The following CNTNAP2 variants were observed in gnomAD, a reference collection of about 807,000 sequenced individuals.
CNTNAP2 encodes contactin-associated protein-like 2.
Under a neutral mutation model 155.2 loss-of-function variants are expected in CNTNAP2, and 98 were observed. The ratio of observed to expected loss-of-function variants is 0.63; its 90% CI spans 0.54 to 0.75. The LOEUF (loss-of-function observed/expected upper bound fraction) is 0.75. Among genes scored for constraint, CNTNAP2 ranks in the 30% least tolerant of loss-of-function variants. CNTNAP2 has a pLI of 0.00. For missense variants in CNTNAP2, 1,727 were observed against 1,688.1 expected, an observed-to-expected ratio of 1.02 and a Z score of -0.40; for synonymous variants, 651 against 631.2, an observed-to-expected ratio of 1.03 and a Z score of -0.47.
chr7:147,162,193 TG>T (rs1371288000), intron 8 of CNTNAP2: 3 of 152,222 alleles, frequency 2.0e-5, no homozygotes, highest in Non-Finnish European at 1.5e-5. Context: ...CATTTATAGA[TG>T]GTCTACTAAA....
chr7:148,255,831 T>C (rs764750253), intron 20 of CNTNAP2, among the ~76,000 whole-genome samples: 1 of 152,182 alleles, frequency 6.6e-6, no homozygotes, highest in Non-Finnish European at 1.5e-5. Flanking sequence ...AAATCCTTTC[T>C]CTCTCGAGCC....
At chr7:147,509,569 G>C (rs1390800430) in intron 11 of CNTNAP2, among the ~76,000 whole-genome samples, 1 of 152,056 alleles carries the variant, frequency 6.6e-6, no homozygotes, top group Admixed American at 6.6e-5. Flanking sequence ...GAGAGAACCT[G>C]ATATTAGTCA....
chr7:147,209,479 A>G (rs1435861582), intron 8 of CNTNAP2, among the ~76,000 whole-genome samples: 4 of 152,040 alleles, frequency 2.6e-5, no homozygotes, highest in Admixed American at 1.3e-4. Flanking sequence ...TATCTGTTCT[A>G]GGAGACTTTA....
intron 1 of CNTNAP2, among the ~76,000 whole-genome samples, chr7:146,508,872 A>G (rs986803279): frequency 1.3e-5 from 2 of 152,200 alleles, no homozygotes; most frequent in Admixed American, 6.5e-5. Flanking sequence ...ACCAATCCAC[A>G]TATGTGTATG....
chr7:147,367,870 G>A (rs369312721), intron 9 of CNTNAP2, among the ~76,000 whole-genome samples: 13 of 151,146 alleles, frequency 8.6e-5, no homozygotes, highest in African/African-American at 3.2e-4. Flanking sequence ...ATTGGTGTTA[G>A]ACACTTTACT....
chr7:146,123,875 C>CA (rs1464113591), intron 1 of CNTNAP2, among the ~76,000 whole-genome samples: 1 of 151,928 alleles, frequency 6.6e-6, no homozygotes, highest in Non-Finnish European at 1.5e-5. Context: ...ATAGACTGGA[C>CA]AAAGAAAATG....
intron 13 of CNTNAP2, among the ~76,000 whole-genome samples, chr7:147,658,312 C>T (rs904969241): frequency 3.8e-4 from 58 of 151,726 alleles, no homozygotes; most frequent in African/African-American, 1.3e-3. Flanking sequence ...TTCCACAAAC[C>T]TAAGTCAGAT....
At chr7:146,630,137 C>T (rs1264521742) in intron 1 of CNTNAP2, among the ~76,000 whole-genome samples, 2 of 151,924 alleles carry the variant, frequency 1.3e-5, no homozygotes, top group Non-Finnish European at 1.5e-5. Flanking sequence ...TCCCCTAGCC[C>T]CTCATTCCTA....
At chr7:147,305,599 A>C (rs1330519875) in intron 9 of CNTNAP2, among the ~76,000 whole-genome samples, 1 of 152,136 alleles carries the variant, frequency 6.6e-6, no homozygotes, top group African/African-American at 2.4e-5. Flanking sequence ...GCTCTTTTTC[A>C]TTGTTCTCCC....
chr7:146,198,912 A>G (rs73452093), intron 1 of CNTNAP2, among the ~76,000 whole-genome samples: 2,264 of 152,222 alleles, frequency 0.015, 57 homozygotes, highest in African/African-American at 0.05. Flanking sequence ...AGAACCATCT[A>G]TTCTTTCAAG....
intron 14 of CNTNAP2, among the ~76,000 whole-genome samples, chr7:147,943,567 A>G (rs1243687507): frequency 1.3e-5 from 2 of 151,880 alleles, no homozygotes; most frequent in African/African-American, 4.8e-5. Flanking sequence ...CCAGGAGTTC[A>G]AGACCAGCCT....
At chr7:147,994,066 G>A (rs922387300) in intron 15 of CNTNAP2, among the ~76,000 whole-genome samples, 15 of 152,008 alleles carry the variant, frequency 9.9e-5, no homozygotes, top group African/African-American at 2.2e-4. Flanking sequence ...ACACATGCAG[G>A]TATGCTTAGA....
rs559798021 is a variant in CNTNAP2 at position 147,605,901 on chromosome 7, C to G, written c.1898-33205C>G. Reference sequence around the variant, plus strand: ...TGTCCCTCTTCCCTTCTCTCTCTCTCTCTTTCTCTCTCTCTGTGTGTGTGT... The same window carrying G: ...TGTCCCTCTTCCCTTCTCTCTCTCTGTCTTTCTCTCTCTCTGTGTGTGTGT... On this transcript the variant is annotated intron_variant, in intron 12 of 23. Transcript: ENST00000361727. Among the ~76,000 whole-genome samples the G allele has an allele frequency of 1.1e-4, 16 of 151,776 alleles. No homozygotes were observed. In the South Asian group the frequency reaches 3.1e-3, roughly 30 times the overall value.
intron 4 of CNTNAP2, among the ~76,000 whole-genome samples, chr7:147,061,019 A>T (rs918269468): frequency 6.6e-6 from 1 of 152,212 alleles, no homozygotes; most frequent in African/African-American, 2.4e-5. Context: ...ATATTACTAT[A>T]ATCGCTGAAA....
chr7:146,421,986 A>C lies in CNTNAP2; in HGVS notation c.97+305013A>C, dbSNP rs550870333. Among the ~76,000 whole-genome samples, 96 of 152,012 alleles carry C rather than the reference A, an allele frequency of 6.3e-4. No individual in the cohort carries two copies. The South Asian group carries it at 0.012, about 18-fold the overall frequency. ...AAGATCTTTTTATATTAGCACACAG[A>C]AGTCTACTGCATTCTATTCAACAAA... On this transcript the variant is annotated intron_variant, in intron 1 of 23. Coordinates refer to ENST00000361727, the MANE Select transcript of CNTNAP2 (RefSeq NM_014141.6).
At chr7:146,850,073 AT>A (rs1794845722) in intron 3 of CNTNAP2, among the ~76,000 whole-genome samples, 1 of 152,150 alleles carries the variant, frequency 6.6e-6, no homozygotes, top group African/African-American at 2.4e-5. Context: ...TGGCAAATAA[AT>A]TTGGTTTGCT....
chr7:147,207,249 A>G (rs1017313732), intron 8 of CNTNAP2, among the ~76,000 whole-genome samples: 3 of 152,192 alleles, frequency 2.0e-5, no homozygotes, highest in Admixed American at 6.6e-5. Context: ...ACTGTTAACA[A>G]AAAATGCAAG....
intron 10 of CNTNAP2, among the ~76,000 whole-genome samples, chr7:147,483,831 C>T (rs925476515): frequency 2.6e-5 from 4 of 152,196 alleles, no homozygotes; most frequent in Non-Finnish European, 4.4e-5. Context: ...TCCCACGCCT[C>T]AGGGCCTGTA....
intron 1 of CNTNAP2, among the ~76,000 whole-genome samples, chr7:146,467,427 G>A (rs977765983): frequency 4.6e-5 from 7 of 152,132 alleles, no homozygotes; most frequent in African/African-American, 1.4e-4. Context: ...TAGTAAATAG[G>A]TTTTCAGGTC....
Sources: gnomAD v4.1 joint callset for allele counts (sites outside exome capture counted in the v4.1 genomes callset) on GRCh38, gnomAD v4.1.1 for gene constraint, MANE v1.5 for transcripts, NCBI Gene and HGNC (gene_info 2026-07-23, HGNC 2026-07-21) for gene names.